CREBRF: variants seen among roughly 807,000 people sequenced by gnomAD.
CREBRF encodes CREB3 regulatory factor, also known as UPF0474 protein C5orf41.
In CREBRF, 5 loss-of-function variants were observed where a neutral mutation model predicts 66.1. The observed-to-expected ratio is 0.08, with a 90% CI of 0.04 to 0.16. The LOEUF (loss-of-function observed/expected upper bound fraction) is 0.16. Among genes scored for constraint, CREBRF ranks in the 10% least tolerant of loss-of-function variants. CREBRF has a pLI of 1.00. For missense variants in CREBRF, 531 were observed against 744.9 expected, an observed-to-expected ratio of 0.71 and a Z score of 3.34; for synonymous variants, 229 against 264.4, an observed-to-expected ratio of 0.87 and a Z score of 1.30.
At chr5:173,129,391 C>T (rs1183899719) in intron 8 of CREBRF, among the ~76,000 whole-genome samples, 4 of 152,070 alleles carry the variant, frequency 2.6e-5, no homozygotes, top group South Asian at 4.1e-4. Context: ...GCTGGGATTA[C>T]AGGCATGAGC....
intron 1 of CREBRF, among the ~76,000 whole-genome samples, chr5:173,070,227 T>G (rs1371094890): frequency 6.6e-6 from 1 of 152,148 alleles, no homozygotes; most frequent in Non-Finnish European, 1.5e-5. Flanking sequence ...GTTCAAATCC[T>G]TGCTAACAAC....
In CREBRF at chr5:173,098,189, C is replaced by CTT. The variant is rs1272404813; in HGVS notation, c.1222+6803_1222+6804dup. Among the ~76,000 whole-genome samples the CTT allele has an allele frequency of 6.4e-4, 90 of 140,032 alleles. No individual in the cohort carries two copies. In the Middle Eastern group the frequency reaches 0.018, roughly 28 times the overall value. The allele number at this position is 140,032 out of a possible 152,430, so 91.9% of individuals were successfully genotyped here. A position where few individuals can be genotyped will look rare whatever the true frequency, so the allele number is the denominator to read the frequency against. On this transcript the variant is annotated intron_variant, in intron 4 of 8. Coordinates refer to ENST00000296953, the MANE Select transcript of CREBRF (RefSeq NM_153607.3). ...ATTTGTCAATTTTCCAATTTTCCTTCTTTTTTTTTTTTTTTTGACATGGAG... is the reference window on the plus strand; with the variant it reads ...ATTTGTCAATTTTCCAATTTTCCTTCTTTTTTTTTTTTTTTTTTGACATGGAG...
chr5:173,115,670 C>T (rs1000174262), intron 7 of CREBRF, among the ~76,000 whole-genome samples: 10 of 151,856 alleles, frequency 6.6e-5, no homozygotes, highest in Non-Finnish European at 1.5e-4. Flanking sequence ...CGGAGTCTCG[C>T]TCTGTCGCCC....
intron 1 of CREBRF, among the ~76,000 whole-genome samples, chr5:173,059,219 A>G (rs1346267678): frequency 2.6e-5 from 4 of 151,622 alleles, no homozygotes; most frequent in Non-Finnish European, 5.9e-5. Flanking sequence ...TTTTGCAGTA[A>G]ATAAGGGTAT....
chr5:173,072,317 C>T (rs2113683397), intron 1 of CREBRF, among the ~76,000 whole-genome samples: 1 of 152,058 alleles, frequency 6.6e-6, no homozygotes, highest in Non-Finnish European at 1.5e-5. Flanking sequence ...GCTCTGTCGC[C>T]CAGGCTGGAG....
At chr5:173,127,159 TTTC>T (rs1489396000) in intron 8 of CREBRF, among the ~76,000 whole-genome samples, 287 of 131,702 alleles carry the variant, frequency 2.2e-3, no homozygotes, top group Non-Finnish European at 2.5e-3. Flanking sequence ...GGAGTTTCTT[TTTC>T]TTTTTTTTTT....
chr5:173,068,129 C>T (rs1375331627), intron 1 of CREBRF: 2 of 453,250 alleles, frequency 4.4e-6, no homozygotes, highest in Non-Finnish European at 8.9e-6. Context: ...TCAAAATTCC[C>T]AAGTTAAAAA....
Position 173,104,738 on chromosome 5 carries a change from A to T in CREBRF, c.1223-3886A>T, listed in dbSNP as rs988287221. Among the ~76,000 whole-genome samples, 71 of 150,150 alleles carry T rather than the reference A, an allele frequency of 4.7e-4. 1 individual carries two copies. The highest frequency in any genetic ancestry group is 9.9e-4 in the Admixed American group (15 of 15,086). On this transcript the variant is annotated intron_variant, in intron 4 of 8. Coordinates refer to ENST00000296953, the MANE Select transcript of CREBRF (RefSeq NM_153607.3). ...GAGAGAGAGAGAGAGAGAGAGAGAG[A>T]GAGTGTGTGTGTGTGTGTATTTTTG... is the stretch of plus-strand genomic sequence containing the variant.
In CREBRF at chr5:173,090,933, T is replaced by C; in HGVS notation, c.754T>C (p.Leu252=). 6.2e-7 allele frequency: 1 copy of C among 1,614,200 alleles called. No homozygotes were observed. The highest frequency in any genetic ancestry group is 8.5e-7 in the Non-Finnish European group (1 of 1,180,028). The change falls in exon 4 of 9, where the codon TTG becomes CTG. Residue 252 remains leucine (L), a synonymous_variant. Coordinates refer to ENST00000296953, the MANE Select transcript of CREBRF (RefSeq NM_153607.3). The surrounding 1 kb of genome is among the most constrained non-coding windows in gnomAD (Gnocchi z 4.5). ...INPVQQSRPL[L]SQIHTDAAKE... ...CCCAGTGCAACAGAGCCGGCCCTTG[T>C]TGAGCCAGATTCACACAGATGCAGC...
chr5:173,087,855 G>A (rs147051808), intron 3 of CREBRF, among the ~76,000 whole-genome samples: 435 of 152,044 alleles, frequency 2.9e-3, no homozygotes, highest in African/African-American at 9.6e-3. Flanking sequence ...ACGGAGTCTC[G>A]CTCTGTAGCC....
chr5:173,127,174 T>C (rs1241584836), intron 8 of CREBRF, among the ~76,000 whole-genome samples: 1 of 149,688 alleles, frequency 6.7e-6, no homozygotes, highest in African/African-American at 2.4e-5. Context: ...TTTTTTTTTT[T>C]TTTTTTTTGA....
At chr5:173,068,486 T>C (rs1396316690) in intron 1 of CREBRF, among the ~76,000 whole-genome samples, 1 of 152,178 alleles carries the variant, frequency 6.6e-6, no homozygotes, top group African/African-American at 2.4e-5. Context: ...TAATGAACTA[T>C]GAAAAAGTGA....
At chr5:173,059,357 C>A (rs1047816102) in intron 1 of CREBRF, among the ~76,000 whole-genome samples, 1 of 148,652 alleles carries the variant, frequency 6.7e-6, no homozygotes, top group South Asian at 2.1e-4. Context: ...CTCCGCCTCC[C>A]GGGTTCAAGC....
At chr5:173,077,093 G>A (rs558521385) in intron 1 of CREBRF, among the ~76,000 whole-genome samples, 31 of 151,532 alleles carry the variant, frequency 2.0e-4, no homozygotes, top group African/African-American at 5.6e-4. Flanking sequence ...ACAGGCGCCC[G>A]CCACCATGTC....
intron 8 of CREBRF, chr5:173,124,137 G>A (rs1281841631): frequency 6.6e-6 from 1 of 152,028 alleles, no homozygotes; most frequent in African/African-American, 2.4e-5. Context: ...TGTTTGGTAA[G>A]CTTATGTACT....
In CREBRF at chr5:173,069,609, A is replaced by C. The variant is rs141960406; in HGVS notation, c.-191-10976A>C. ...AGTGCAGGGATTACAGGCGTGAGCC[A>C]CCATGCCTGGCCATGAAATTCAAAA... On this transcript the variant is annotated intron_variant, in intron 1 of 8. Transcript: ENST00000296953. Among the ~76,000 whole-genome samples, 303 of 152,180 alleles carry C rather than the reference A, an allele frequency of 2.0e-3. 1 individual carries two copies. Among genetic ancestry groups the C allele is most frequent in the African/African-American group, 7.1e-3 (296 of 41,560 alleles).
intron 1 of CREBRF, among the ~76,000 whole-genome samples, chr5:173,067,027 C>T (rs555665291): frequency 9.9e-5 from 15 of 151,894 alleles, no homozygotes; most frequent in African/African-American, 2.9e-4. Flanking sequence ...TTCCCAGGCT[C>T]GTCTGGAACT....
chr5:173,113,125 T>C (rs1218612461), intron 7 of CREBRF, among the ~76,000 whole-genome samples: 2 of 152,126 alleles, frequency 1.3e-5, no homozygotes, highest in South Asian at 2.1e-4. Context: ...CCTGGGTATC[T>C]GGGAATACAG....
At chr5:173,070,683 A>G (rs1427190204) in intron 1 of CREBRF, among the ~76,000 whole-genome samples, 1 of 152,140 alleles carries the variant, frequency 6.6e-6, no homozygotes, top group Non-Finnish European at 1.5e-5. Context: ...GGAAATTAAA[A>G]AAAATTCAGG....
Sources: allele counts gnomAD v4.1 joint callset (sites outside exome capture counted in the v4.1 genomes callset), GRCh38; gene constraint gnomAD v4.1.1; non-coding constraint Gnocchi (gnomAD v3.1); transcripts MANE v1.5; gene names NCBI Gene and HGNC (gene_info 2026-07-23, HGNC 2026-07-21).